PPP1R9A: variants seen among roughly 807,000 people sequenced by gnomAD.
The protein encoded by PPP1R9A is protein phosphatase 1 regulatory subunit 9A, also known as neurabin-1.
In PPP1R9A, 59 loss-of-function variants were observed where a neutral mutation model predicts 141.9. The ratio of observed to expected loss-of-function variants is 0.42; its 90% CI spans 0.34 to 0.52. The LOEUF is 0.52. PPP1R9A is among the 20% of genes least tolerant of loss of function. The probability of loss-of-function intolerance (pLI) is 0.10; values close to 1 mark genes in which losing one functional copy is unlikely to be tolerated. For missense variants in PPP1R9A, 1,444 were observed against 1,611.9 expected (o/e 0.90, Z 1.78); for synonymous variants, 500 against 569.7 (o/e 0.88, Z 1.74).
chr7:95,172,901 G>A (rs577425590), intron 5 of PPP1R9A, among the ~76,000 whole-genome samples: 5 of 151,894 alleles, frequency 3.3e-5, no homozygotes, highest in East Asian at 1.9e-4. Context: ...GCAGACCTGC[G>A]CAGATATGAA....
At chr7:95,063,751 T>G (rs919338822) in intron 2 of PPP1R9A, among the ~76,000 whole-genome samples, 1 of 152,202 alleles carries the variant, frequency 6.6e-6, no homozygotes, top group African/African-American at 2.4e-5. Context: ...ATGTGGATGA[T>G]TCTCATCAGG....
intron 12 of PPP1R9A, among the ~76,000 whole-genome samples, chr7:95,262,175 T>G (rs1251387862): frequency 6.6e-6 from 1 of 152,176 alleles, no homozygotes; most frequent in Non-Finnish European, 1.5e-5. Flanking sequence ...ATTGTTGCCA[T>G]GTCAAAGACA....
At chr7:95,103,767 A>G (rs1220202254) in intron 2 of PPP1R9A, among the ~76,000 whole-genome samples, 1 of 152,154 alleles carries the variant, frequency 6.6e-6, no homozygotes, top group Non-Finnish European at 1.5e-5. Flanking sequence ...TAGCATGTGT[A>G]TTGTCCTCTG....
intron 5 of PPP1R9A, among the ~76,000 whole-genome samples, chr7:95,176,904 C>T (rs1832987730): frequency 6.6e-6 from 1 of 152,074 alleles, no homozygotes. Context: ...ATCAGCGTTC[C>T]TGAGGAAGAA....
intron 2 of PPP1R9A, among the ~76,000 whole-genome samples, chr7:95,035,170 G>A (rs370190270): frequency 1.6e-4 from 24 of 152,032 alleles, no homozygotes; most frequent in Non-Finnish European, 3.2e-4. Context: ...GTAAAAGAGG[G>A]TACTACATTT....
intron 7 of PPP1R9A, among the ~76,000 whole-genome samples, chr7:95,210,279 C>T (rs1323110070): frequency 6.6e-6 from 1 of 152,016 alleles, no homozygotes; most frequent in African/African-American, 2.4e-5. Flanking sequence ...AAATTTAAAT[C>T]CTTTTCAAGG....
chr7:95,192,388 A>G (rs1835633037), intron 5 of PPP1R9A, among the ~76,000 whole-genome samples: 1 of 152,018 alleles, frequency 6.6e-6, no homozygotes, highest in South Asian at 2.1e-4. Flanking sequence ...AACTGGATAG[A>G]TAGGAAATGG....
intron 5 of PPP1R9A, among the ~76,000 whole-genome samples, chr7:95,191,823 A>T (rs906336587): frequency 1.3e-5 from 2 of 152,094 alleles, no homozygotes; most frequent in African/African-American, 2.4e-5. Context: ...AAAGAAAAAA[A>T]TTTAGAATGT....
At chr7:95,159,796 C>T (rs1585008975) in intron 4 of PPP1R9A, among the ~76,000 whole-genome samples, 1 of 151,730 alleles carries the variant, frequency 6.6e-6, no homozygotes, top group African/African-American at 2.4e-5. Context: ...CTTGGTGGTG[C>T]ATGCCTGTAA....
intron 2 of PPP1R9A, among the ~76,000 whole-genome samples, chr7:95,082,740 A>G (rs1301301464): frequency 1.3e-5 from 2 of 150,872 alleles, no homozygotes; most frequent in Admixed American, 6.6e-5. Context: ...TTAAAAAAGA[A>G]AAAAAGTGTA....
Position 94,910,539 on chromosome 7 carries a change from T to G in PPP1R9A, c.426T>G (p.Thr142=), listed in dbSNP as rs1428693402. The part of the protein sequence containing the change: ...DGPSYSKFTE[T]RKMFERSVHE... ...CTTCATATTCCAAGTTCACTGAGACTCGAAAGATGTTTGAGAGAAGTGTGC... is the reference window on the plus strand; with the variant it reads ...CTTCATATTCCAAGTTCACTGAGACGCGAAAGATGTTTGAGAGAAGTGTGC... Residue 142 remains threonine, a synonymous_variant, in exon 2 of 20, where the codon ACT becomes ACG. Transcript: ENST00000433360. This position sits in a 1 kb window ranked among gnomAD's most constrained non-coding sequence, Gnocchi z 4.5. 6.2e-7 allele frequency: 1 copy of G among 1,614,006 alleles called. No individual in the cohort carries two copies. The highest frequency in any genetic ancestry group is 1.3e-5 in the African/African-American group (1 of 74,882).
intron 2 of PPP1R9A, among the ~76,000 whole-genome samples, chr7:94,930,854 T>C (rs1794070119): frequency 6.6e-6 from 1 of 152,190 alleles, no homozygotes; most frequent in East Asian, 1.9e-4. Context: ...ATTTAAAATA[T>C]GTAATAGTAA....
chr7:95,276,227 A>T (rs775770746), intron 16 of PPP1R9A, among the ~76,000 whole-genome samples: 1 of 152,164 alleles, frequency 6.6e-6, no homozygotes, highest in Non-Finnish European at 1.5e-5. Context: ...CCTGAGAGGG[A>T]TGTGAGCACC....
chr7:95,238,386 G>GA (rs1796995718), intron 8 of PPP1R9A, among the ~76,000 whole-genome samples: 2 of 152,092 alleles, frequency 1.3e-5, no homozygotes, highest in Admixed American at 6.6e-5. Flanking sequence ...TTCAGGGCCT[G>GA]AAATAGGCTA....
At chr7:94,908,440 G>C (rs2150561855) in intron 1 of PPP1R9A, 1 of 152,062 alleles carries the variant, frequency 6.6e-6, no homozygotes, top group East Asian at 1.9e-4. Flanking sequence ...GCCGCCGGGA[G>C]CTGCAGCCAA....
intron 2 of PPP1R9A, among the ~76,000 whole-genome samples, chr7:95,021,480 C>G (rs1031395230): frequency 5.9e-5 from 9 of 151,434 alleles, no homozygotes; most frequent in African/African-American, 2.2e-4. Context: ...TTAATTAGAT[C>G]CCATTTGTCA....
At chr7:95,276,508 C>T (rs1803209322) in intron 16 of PPP1R9A, among the ~76,000 whole-genome samples, 1 of 152,104 alleles carries the variant, frequency 6.6e-6, no homozygotes, top group Non-Finnish European at 1.5e-5. Flanking sequence ...ACTCTGGAGT[C>T]CCCCTGATTC....
chr7:95,038,655 G>GA (rs1186668495), intron 2 of PPP1R9A, among the ~76,000 whole-genome samples: 1 of 151,968 alleles, frequency 6.6e-6, no homozygotes, highest in East Asian at 1.9e-4. Context: ...GAAGGAATTG[G>GA]AAAAAACAAT....
Position 95,054,165 on chromosome 7 carries a change from G to C in PPP1R9A, c.1396-57094G>C, listed in dbSNP as rs145307607. Among the ~76,000 whole-genome samples, 542 of 150,402 alleles carry C rather than the reference G, an allele frequency of 3.6e-3. 3 individuals carry two copies. Among genetic ancestry groups the C allele is most frequent in the African/African-American group, 0.012 (507 of 40,830 alleles). ...GGAGTCTTGCTCTCTTGCCCAGCTG[G>C]AGTGCAGTGGCACAATCTTGGCTGA... On this transcript the variant is annotated intron_variant, in intron 2 of 19. Transcript: ENST00000433360.
Sources: allele counts gnomAD v4.1 joint callset (sites outside exome capture counted in the v4.1 genomes callset), GRCh38; gene constraint gnomAD v4.1.1; non-coding constraint Gnocchi (gnomAD v3.1); transcripts MANE v1.5; gene names NCBI Gene and HGNC (gene_info 2026-07-23, HGNC 2026-07-21).